SLC26A7: variants seen among roughly 807,000 people sequenced by gnomAD.
The protein encoded by SLC26A7 is anion exchange transporter.
A neutral mutation model predicts 82.5 loss-of-function variants in SLC26A7; 59 were observed. The observed-to-expected ratio is 0.72, with a 90% CI of 0.58 to 0.89. The LOEUF (loss-of-function observed/expected upper bound fraction) is 0.89. Among genes scored for constraint, SLC26A7 ranks in the 40% least tolerant of loss-of-function variants. The probability of loss-of-function intolerance (pLI) is 0.00; values close to 1 mark genes in which losing one functional copy is unlikely to be tolerated. For synonymous variants in SLC26A7, 271 were observed against 274.3 expected (o/e 0.99, Z 0.12); for missense variants, 820 against 793.0 (o/e 1.03, Z -0.41).
chr8:91,274,339 G>T (rs1030870640), intron 2 of SLC26A7, among the ~76,000 whole-genome samples: 4 of 152,196 alleles, frequency 2.6e-5, no homozygotes, highest in African/African-American at 9.6e-5. Context: ...TGGATAAATT[G>T]TAATGGACAG....
chr8:91,233,606 AAAAG>A (rs1810345124), intron 2 of SLC26A7, among the ~76,000 whole-genome samples: 1 of 152,014 alleles, frequency 6.6e-6, no homozygotes, highest in South Asian at 2.1e-4. Context: ...AAGAAAAAGA[AAAAG>A]AAAACGTAGG....
chr8:91,294,192 TA>T (rs1311201405), intron 3 of SLC26A7, among the ~76,000 whole-genome samples: 8 of 152,206 alleles, frequency 5.3e-5, no homozygotes, highest in African/African-American at 1.7e-4. Flanking sequence ...TTAGTCTTAT[TA>T]AAAATTATAT....
In SLC26A7 at chr8:91,352,897, C is replaced by T. The variant is rs369858729; in HGVS notation, c.1219-4C>T. On this transcript the variant is annotated splice_region_variant and splice_polypyrimidine_tract_variant and intron_variant, in intron 10 of 18. Transcript: ENST00000276609. The stretch of plus-strand genomic sequence containing the variant: ...TTCTTCTTCAACTTACGTTTTATTT[C>T]TAGTGTGTCCTTGCAAGCATTATTG... The T allele has an allele frequency of 3.2e-5, 50 of 1,586,672 alleles. No individual in the cohort carries two copies. The highest frequency in any genetic ancestry group is 4.0e-5 in the Non-Finnish European group (47 of 1,168,198).
chr8:91,395,069 G>A lies in SLC26A7; in HGVS notation c.1943G>A (p.Ser648Asn), dbSNP rs771695938. The change falls in exon 19 of 19, where the codon AGC becomes AAC. Residue 648 changes from serine to asparagine, a missense_variant. By Grantham distance (46) the Ser-to-Asn change is conservative. Coordinates refer to ENST00000276609, the MANE Select transcript of SLC26A7 (RefSeq NM_052832.4). ...ISHIHSNKNL[S>N]KLSDHSEV ...CTTCCTCTGGTATTTCAGAATTTGA[G>A]CAAACTCAGTGACCACAGTGAAGTC... 11 of 1,613,382 alleles carry A rather than the reference G, an allele frequency of 6.8e-6. No individual in the cohort carries two copies. In the Admixed American group the frequency reaches 1.7e-4, roughly 24 times the overall value.
chr8:91,217,746 A>G (rs1359760156), intron 1 of SLC26A7, among the ~76,000 whole-genome samples: 1 of 152,208 alleles, frequency 6.6e-6, no homozygotes, highest in Non-Finnish European at 1.5e-5. Context: ...CCCAGACAGG[A>G]AAAACCAAGA....
At chr8:91,210,019 C>T (rs1054493441) in intron 1 of SLC26A7, among the ~76,000 whole-genome samples, 4 of 152,082 alleles carry the variant, frequency 2.6e-5, no homozygotes, top group Non-Finnish European at 5.9e-5. Flanking sequence ...TAAAATGTAA[C>T]GTTAGAAGCA....
intron 1 of SLC26A7, among the ~76,000 whole-genome samples, chr8:91,215,163 T>G (rs1287386076): frequency 6.6e-6 from 1 of 152,132 alleles, no homozygotes; most frequent in Non-Finnish European, 1.5e-5. Context: ...ATGTCCCTTT[T>G]GCTATGTGAG....
At chr8:91,355,155 AT>A (rs1317233168) in intron 11 of SLC26A7, among the ~76,000 whole-genome samples, 6 of 152,150 alleles carry the variant, frequency 3.9e-5, no homozygotes, top group Middle Eastern at 3.4e-3. Flanking sequence ...GGTCAACGTA[AT>A]TTTTTTGTTG....
At chr8:91,245,467 G>A (rs1810532698), upstream of SLC26A7, among the ~76,000 whole-genome samples, 1 of 152,108 alleles carries the variant, frequency 6.6e-6, no homozygotes, top group African/African-American at 2.4e-5. Flanking sequence ...CAGCTATGTG[G>A]CTTGGTGGGT....
Position 91,291,349 on chromosome 8 carries a change from A to G in SLC26A7, c.304+2103A>G, listed in dbSNP as rs796694512. Among the ~76,000 whole-genome samples the G allele has an allele frequency of 2.0e-5, 3 of 152,322 alleles. No individual in the cohort carries two copies. The South Asian group carries it at 6.2e-4, about 32-fold the overall frequency. ...ACTTTACAACTCACTGTTCAAGAAT[A>G]AGCTTTTCTTTTGTATTGATGCAAA... is the stretch of plus-strand genomic sequence containing the variant. On this transcript the variant is annotated intron_variant, in intron 3 of 18. Coordinates refer to ENST00000276609, the MANE Select transcript of SLC26A7 (RefSeq NM_052832.4).
intron 11 of SLC26A7, among the ~76,000 whole-genome samples, chr8:91,356,241 C>G (rs1043977237): frequency 3.3e-5 from 5 of 152,192 alleles, no homozygotes; most frequent in Non-Finnish European, 1.5e-5. Flanking sequence ...TTGGTATATA[C>G]CCAGTAATGG....
chr8:91,271,970 T>C (rs1027301858), intron 2 of SLC26A7, among the ~76,000 whole-genome samples: 1 of 152,144 alleles, frequency 6.6e-6, no homozygotes, highest in Non-Finnish European at 1.5e-5. Context: ...TACCTTTACC[T>C]AGTTATGGGT....
At chr8:91,337,699 A>G (rs1376874217) in intron 6 of SLC26A7, among the ~76,000 whole-genome samples, 1 of 152,228 alleles carries the variant, frequency 6.6e-6, no homozygotes, top group African/African-American at 2.4e-5. Flanking sequence ...ATCATTGATT[A>G]CTAACATGGA....
intron 2 of SLC26A7, among the ~76,000 whole-genome samples, chr8:91,223,236 T>C (rs1444956113): frequency 6.6e-6 from 1 of 152,182 alleles, no homozygotes; most frequent in African/African-American, 2.4e-5. Flanking sequence ...TCTTCATTAG[T>C]CTAGCTAGCA....
At chr8:91,210,364 G>A (rs1241067644) in intron 1 of SLC26A7, among the ~76,000 whole-genome samples, 2 of 152,062 alleles carry the variant, frequency 1.3e-5, no homozygotes, top group Non-Finnish European at 2.9e-5. Flanking sequence ...AAGAGAAAGT[G>A]CAAATAAATT....
At chr8:91,237,537 C>T (rs1055481578) in intron 2 of SLC26A7, among the ~76,000 whole-genome samples, 2 of 152,132 alleles carry the variant, frequency 1.3e-5, no homozygotes, top group African/African-American at 4.8e-5. Flanking sequence ...AATCAGTGCC[C>T]TTTATCCCTT....
At chr8:91,294,537 A>C (rs534157463) in intron 3 of SLC26A7, among the ~76,000 whole-genome samples, 1 of 152,226 alleles carries the variant, frequency 6.6e-6, no homozygotes, top group East Asian at 1.9e-4. Flanking sequence ...CTACATGTTG[A>C]AAAGGCCCTT....
chr8:91,372,476 T>G (rs1403192017), intron 15 of SLC26A7, among the ~76,000 whole-genome samples: 1 of 151,952 alleles, frequency 6.6e-6, no homozygotes, highest in Non-Finnish European at 1.5e-5. Context: ...CAGCACCATT[T>G]TTGAATAAGC....
intron 5 of SLC26A7, among the ~76,000 whole-genome samples, chr8:91,325,602 G>T (rs1812911063): frequency 6.6e-6 from 1 of 152,162 alleles, no homozygotes; most frequent in South Asian, 2.1e-4. Context: ...ACTGGAGGGT[G>T]AGAAGAGCTC....
Sources: allele counts gnomAD v4.1 joint callset (sites outside exome capture counted in the v4.1 genomes callset), GRCh38; gene constraint gnomAD v4.1.1; transcripts MANE v1.5; gene names NCBI Gene and HGNC (gene_info 2026-07-23, HGNC 2026-07-21).